CSMD1: variants seen among roughly 807,000 people sequenced by gnomAD.
CSMD1 encodes the protein CUB and sushi domain-containing protein 1.
In CSMD1, 213 loss-of-function variants were observed where a neutral mutation model predicts 417.5. The observed-to-expected ratio is 0.51, with a 90% CI of 0.46 to 0.57. CSMD1 has a LOEUF of 0.57. Ranked by LOEUF, CSMD1 falls within the 20% of genes least tolerant of loss-of-function variation. The probability of loss-of-function intolerance (pLI) is 0.00; values close to 1 mark genes in which losing one functional copy is unlikely to be tolerated. For synonymous variants in CSMD1, 2,862 were observed against 1,736.8 expected (o/e 1.65, Z -16.11); for missense variants, 6,923 against 4,529.7 (o/e 1.53, Z -15.17).
chr8:3,029,821 G>C (rs1810221572), intron 50 of CSMD1, among the ~76,000 whole-genome samples: 1 of 151,924 alleles, frequency 6.6e-6, no homozygotes, highest in Non-Finnish European at 1.5e-5. Context: ...ATTTTCATGA[G>C]GGTAATGAGC....
intron 37 of CSMD1, among the ~76,000 whole-genome samples, chr8:3,177,881 TG>T (rs35931936): frequency 0.3 from 45,454 of 152,070 alleles, 7,231 homozygotes; most frequent in South Asian, 0.42. Flanking sequence ...CTAAGATATC[TG>T]GATATGTATT....
rs1405034931 is a variant in CSMD1, at chr8:4,146,593, CATTTTTTTTTT to C, written c.416-114505_416-114495del. On this transcript the variant is annotated intron_variant, in intron 3 of 69. Transcript: ENST00000635120. ...ATCTGTCTAAATGTTTATATGGACA[CATTTTTTTTTT>C]TTTTTTTTTTTTTTTTTTTTTTTTT... 1.5e-4 allele frequency among the ~76,000 whole-genome samples: 14 copies of C among 90,764 alleles called. 3 individuals carry two copies. Among genetic ancestry groups the C allele is most frequent in the African/African-American group, 5.1e-4 (10 of 19,692 alleles). The allele number at this position is 90,764 out of a possible 152,430, so 59.5% of individuals were successfully genotyped here.
intron 14 of CSMD1, among the ~76,000 whole-genome samples, chr8:3,407,268 T>A (rs56372721): frequency 6.6e-6 from 1 of 150,810 alleles, no homozygotes; most frequent in African/African-American, 2.4e-5. Context: ...AGGATATGGA[T>A]TGATAGATGG....
At chr8:3,130,467 T>A (rs1400298751) in intron 41 of CSMD1, among the ~76,000 whole-genome samples, 1 of 152,064 alleles carries the variant, frequency 6.6e-6, no homozygotes, top group Non-Finnish European at 1.5e-5. Flanking sequence ...CACATACAAT[T>A]CATTCTCTGC....
chr8:3,869,567 A>T (rs1213416491), intron 5 of CSMD1, among the ~76,000 whole-genome samples: 1 of 152,176 alleles, frequency 6.6e-6, no homozygotes, highest in Non-Finnish European at 1.5e-5. Context: ...GTTCACAGGT[A>T]GATATAAACC....
At chr8:3,960,615 A>G (rs1812258637) in intron 5 of CSMD1, among the ~76,000 whole-genome samples, 2 of 152,118 alleles carry the variant, frequency 1.3e-5, no homozygotes, top group African/African-American at 4.8e-5. Flanking sequence ...TGTATATAAC[A>G]TTAATGGAAA....
chr8:3,068,363 A>T (rs1464236292), intron 49 of CSMD1, among the ~76,000 whole-genome samples: 1 of 151,884 alleles, frequency 6.6e-6, no homozygotes, highest in Non-Finnish European at 1.5e-5. Flanking sequence ...ACTTTTTTAG[A>T]CTCTCCAAGA....
chr8:4,913,733 G>A (rs1314170225), intron 1 of CSMD1, among the ~76,000 whole-genome samples: 1 of 152,164 alleles, frequency 6.6e-6, no homozygotes, highest in Non-Finnish European at 1.5e-5. Flanking sequence ...TGACAAATCT[G>A]CAAGCGAGGG....
chr8:4,387,252 T>G (rs1290407070), intron 3 of CSMD1, among the ~76,000 whole-genome samples: 1 of 152,172 alleles, frequency 6.6e-6, no homozygotes, highest in South Asian at 2.1e-4. Flanking sequence ...CAATTATCAT[T>G]TTCTTAAGCT....
intron 7 of CSMD1, among the ~76,000 whole-genome samples, chr8:3,684,760 G>A (rs1799860464): frequency 6.6e-6 from 1 of 152,046 alleles, no homozygotes; most frequent in Non-Finnish European, 1.5e-5. Context: ...TTAAAATAGA[G>A]TCAGAGCTTG....
At chr8:3,484,506 T>G (rs773067328) in intron 11 of CSMD1, among the ~76,000 whole-genome samples, 1 of 152,180 alleles carries the variant, frequency 6.6e-6, no homozygotes, top group Non-Finnish European at 1.5e-5. Context: ...ATAGAAGGAC[T>G]CCTCTGTAAA....
rs1019960541 is a variant in CSMD1, at chr8:3,289,617, A to G, written c.3951-5271T>C. On this transcript the variant is annotated intron_variant, in intron 25 of 69. Coordinates refer to ENST00000635120, the MANE Select transcript of CSMD1 (RefSeq NM_033225.6). ...TTTCATGTGTCTTTTGGCTGCATAA[A>G]TGTCTTCTTTTGAGAAGTGTCTGTT... Among the ~76,000 whole-genome samples the G allele has an allele frequency of 9.5e-5, 14 of 147,200 alleles. 4 individuals are homozygous for G. Among genetic ancestry groups the G allele is most frequent in the African/African-American group, 3.8e-4 (14 of 36,902 alleles).
intron 7 of CSMD1, among the ~76,000 whole-genome samples, chr8:3,664,514 G>T (rs1245462243): frequency 1.3e-5 from 2 of 152,192 alleles, no homozygotes; most frequent in African/African-American, 2.4e-5. Flanking sequence ...TATCCTCCAG[G>T]ATTGTATGCT....
intron 12 of CSMD1, among the ~76,000 whole-genome samples, chr8:3,420,433 A>C (rs1217425955): frequency 6.6e-6 from 1 of 152,038 alleles, no homozygotes; most frequent in African/African-American, 2.4e-5. Flanking sequence ...GAAAAAAAAA[A>C]AAAAGCCATG....
intron 3 of CSMD1, among the ~76,000 whole-genome samples, chr8:4,218,311 C>G (rs1264361757): frequency 6.6e-6 from 1 of 152,170 alleles, no homozygotes; most frequent in African/African-American, 2.4e-5. Context: ...ACTGTGAATT[C>G]TTAGCCTATT....
intron 26 of CSMD1, among the ~76,000 whole-genome samples, chr8:3,236,103 A>G (rs1181623952): frequency 1.3e-5 from 2 of 151,838 alleles, no homozygotes; most frequent in African/African-American, 2.4e-5. Context: ...TATTTTTAGT[A>G]GAGACAGGGT....
intron 3 of CSMD1, among the ~76,000 whole-genome samples, chr8:4,209,444 A>C (rs568903211): frequency 6.6e-6 from 1 of 152,298 alleles, no homozygotes; most frequent in East Asian, 1.9e-4. Context: ...TCATCAAGCC[A>C]AGTGAGGACA....
At chr8:3,869,669 A>AGGAAAGGT (rs1359197995) in intron 5 of CSMD1, among the ~76,000 whole-genome samples, 14 of 152,100 alleles carry the variant, frequency 9.2e-5, no homozygotes, top group Non-Finnish European at 1.9e-4. Flanking sequence ...TTGCCACAGG[A>AGGAAAGGT]GGAAAGGTGC....
At chr8:3,639,052 C>A (rs1345113306) in intron 7 of CSMD1, among the ~76,000 whole-genome samples, 1 of 152,202 alleles carries the variant, frequency 6.6e-6, no homozygotes, top group East Asian at 1.9e-4. Flanking sequence ...TCATTTTCCA[C>A]TTAGCATTAC....
Sources: allele counts gnomAD v4.1 joint callset (sites outside exome capture counted in the v4.1 genomes callset), GRCh38; gene constraint gnomAD v4.1.1; transcripts MANE v1.5; gene names NCBI Gene and HGNC (gene_info 2026-07-23, HGNC 2026-07-21).